Variants in SLC4A8 observed in about 807,000 individuals in gnomAD.
SLC4A8 encodes solute carrier family 4 member 8, also known as electroneutral sodium bicarbonate exchanger 1.
SLC4A8 carries 40 observed loss-of-function variants against 125.0 expected under a neutral mutation model. The ratio of observed to expected loss-of-function variants is 0.32; its 90% confidence interval spans 0.25 to 0.42. The LOEUF is 0.42. Among genes scored for constraint, SLC4A8 ranks in the 10% least tolerant of loss-of-function variants. The pLI, the probability that SLC4A8 is intolerant of heterozygous loss-of-function variation, is 1.00. For synonymous variants in SLC4A8, 456 were observed against 476.0 expected (o/e 0.96, Z 0.55); for missense variants, 863 against 1,355.1 (o/e 0.64, Z 5.70).
intron 23 of SLC4A8, among the ~76,000 whole-genome samples, chr12:51,505,235 A>G (rs528104542): frequency 1.3e-5 from 2 of 152,352 alleles, no homozygotes; most frequent in African/African-American, 4.8e-5. Flanking sequence ...TGCAGCAAAC[A>G]TCAAACTATT....
chr12:51,407,134 C>A (rs553526209), intron 1 of SLC4A8, among the ~76,000 whole-genome samples: 2 of 152,220 alleles, frequency 1.3e-5, no homozygotes, highest in East Asian at 3.9e-4. Context: ...TGCTGTGTCC[C>A]GGCATGGAGG....
Position 51,499,239 on chromosome 12 carries a change from A to G in SLC4A8, c.3081+2115A>G, listed in dbSNP as rs573791581. ...GTTTCTGACATTTTATGTGAAAAAC[A>G]TAGGGAATATAAAATGGAGCATACA... On this transcript the variant is annotated intron_variant, in intron 22 of 24. Transcript: ENST00000453097. 1.6e-4 allele frequency among the ~76,000 whole-genome samples: 24 copies of G among 152,318 alleles called. No homozygotes were observed. In the South Asian group the frequency reaches 4.4e-3, roughly 28 times the overall value.
chr12:51,497,311 G>A, intron 22 of SLC4A8, 187 bp downstream of exon 22: 2 of 645,704 alleles, frequency 3.1e-6, no homozygotes, highest in South Asian at 2.5e-5. Context: ...CTTAATTTTT[G>A]GGTTTGACAA....
At chr12:51,405,415 A>C (rs1276391325) in intron 1 of SLC4A8, among the ~76,000 whole-genome samples, 1 of 152,200 alleles carries the variant, frequency 6.6e-6, no homozygotes, top group African/African-American at 2.4e-5. Context: ...CATTAGGCTC[A>C]AGCCTGTTGA....
intron 11 of SLC4A8, among the ~76,000 whole-genome samples, chr12:51,463,973 ACT>A (rs1170705148): frequency 6.6e-6 from 1 of 151,562 alleles, no homozygotes; most frequent in East Asian, 1.9e-4. Flanking sequence ...TGATTTGAAC[ACT>A]CTTCCCTTTC....
intron 14 of SLC4A8, among the ~76,000 whole-genome samples, chr12:51,472,961 C>G (rs963515411): frequency 6.6e-6 from 1 of 151,972 alleles, no homozygotes; most frequent in African/African-American, 2.4e-5. Flanking sequence ...GCATATACCC[C>G]CTACCCCAGC....
chr12:51,402,816 T>A (rs561854868), intron 1 of SLC4A8, among the ~76,000 whole-genome samples: 2 of 152,368 alleles, frequency 1.3e-5, no homozygotes, highest in South Asian at 4.2e-4. Context: ...CATATGGTGA[T>A]TCCACTCTCC....
rs183559579 is a variant in SLC4A8 at position 51,509,983 on chromosome 12, G to A, written c.*2545G>A. ...TCCTGGCTCTGTGGGTGTGGTGCTC[G>A]GTTGCCTCCGTACAGTTGCAGTTCA... On this transcript the variant is annotated 3_prime_UTR_variant, in exon 25 of 25. Coordinates refer to ENST00000453097, the MANE Select transcript of SLC4A8 (RefSeq NM_001039960.3). 2 of 152,398 alleles carry A rather than the reference G, an allele frequency of 1.3e-5. No individual in the cohort carries two copies. Among genetic ancestry groups the A allele is most frequent in the East Asian group, 1.9e-4 (1 of 5,188 alleles). The allele number at this position is 152,398 out of a possible 1,614,324, so 9.4% of individuals were successfully genotyped here.
chr12:51,397,735 ATCT>A (rs1948292458), intron 1 of SLC4A8, among the ~76,000 whole-genome samples: 1 of 151,040 alleles, frequency 6.6e-6, no homozygotes, highest in Admixed American at 6.6e-5. Context: ...ATTTTTAAAA[ATCT>A]TTAACATATC....
At chr12:51,449,454 G>A (rs1009759147) in intron 2 of SLC4A8, among the ~76,000 whole-genome samples, 1 of 151,478 alleles carries the variant, frequency 6.6e-6, no homozygotes, top group African/African-American at 2.4e-5. Context: ...AAAAACTGAT[G>A]CAAAGTCACC....
At chr12:51,478,781 G>T (rs763172628) in intron 16 of SLC4A8, among the ~76,000 whole-genome samples, 1 of 152,238 alleles carries the variant, frequency 6.6e-6, no homozygotes, top group Non-Finnish European at 1.5e-5. Flanking sequence ...GGATTAGGAT[G>T]TGGTGAATTG....
Position 51,468,148 on chromosome 12 carries a change from G to A in SLC4A8, c.1350-1466G>A, listed in dbSNP as rs866333127. On this transcript the variant is annotated intron_variant, in intron 11 of 24. Transcript: ENST00000453097. ...GGCTCTTTTTGTTATTCACCTGACA[G>A]CCCTCACCCTGGTGCAGTGACTCCA... Among the ~76,000 whole-genome samples the A allele has an allele frequency of 2.0e-5, 3 of 152,258 alleles. No homozygotes were observed. In the South Asian group the frequency reaches 6.2e-4, roughly 32 times the overall value.
intron 19 of SLC4A8, among the ~76,000 whole-genome samples, chr12:51,492,828 T>C (rs1000830840): frequency 6.6e-6 from 1 of 151,892 alleles, no homozygotes; most frequent in African/African-American, 2.4e-5. Context: ...GTCCTAATGC[T>C]CTCCCTCCCC....
At chr12:51,478,364 G>A (rs1382485721) in intron 16 of SLC4A8, among the ~76,000 whole-genome samples, 5 of 151,936 alleles carry the variant, frequency 3.3e-5, no homozygotes, top group African/African-American at 1.2e-4. Flanking sequence ...ACTTGAACTC[G>A]GGAGGTGGAG....
Position 51,513,655 on chromosome 12 carries a change from A to AT in SLC4A8, c.*6218dup, listed in dbSNP as rs980831397. ...TTTTTAGTAGAGATGGGATTTCACCATGTTGGCCAGGATGGTCTTGATCTC... is the reference window on the plus strand; with the variant it reads ...TTTTTAGTAGAGATGGGATTTCACCATTGTTGGCCAGGATGGTCTTGATCTC... On this transcript the variant is annotated 3_prime_UTR_variant, in exon 25 of 25. Coordinates refer to ENST00000453097, the MANE Select transcript of SLC4A8 (RefSeq NM_001039960.3). 2 of 152,314 alleles carry AT rather than the reference A, an allele frequency of 1.3e-5. No individual in the cohort carries two copies. The highest frequency in any genetic ancestry group is 4.8e-5 in the African/African-American group (2 of 41,454). 9.4% of individuals were successfully genotyped at this position (152,314 alleles called of 1,614,324 possible).
intron 5 of SLC4A8, among the ~76,000 whole-genome samples, chr12:51,456,026 A>G (rs1044824845): frequency 6.6e-6 from 1 of 152,304 alleles, no homozygotes; most frequent in East Asian, 1.9e-4. Flanking sequence ...GATTTTGCAT[A>G]TTAGAAAGAT....
upstream of SLC4A8, among the ~76,000 whole-genome samples, chr12:51,423,101 T>G (rs1422315621): frequency 6.6e-6 from 1 of 152,222 alleles, no homozygotes; most frequent in African/African-American, 2.4e-5. Flanking sequence ...AAGTACTTTC[T>G]ATGTGCCTGG....
chr12:51,408,416 T>C (rs1318940083), intron 1 of SLC4A8, among the ~76,000 whole-genome samples: 1 of 152,002 alleles, frequency 6.6e-6, no homozygotes, highest in Non-Finnish European at 1.5e-5. Flanking sequence ...TTTTTTTTTT[T>C]AGTAGCGATG....
chr12:51,398,561 C>A (rs7958092), intron 1 of SLC4A8, among the ~76,000 whole-genome samples: 24,931 of 152,108 alleles, frequency 0.16, 2,353 homozygotes, highest in African/African-American at 0.25. Flanking sequence ...TATTTAATAT[C>A]TCTCTTTAAA....
Sources: gnomAD v4.1 joint callset for allele counts (sites outside exome capture counted in the v4.1 genomes callset) on GRCh38, gnomAD v4.1.1 for gene constraint, MANE v1.5 for transcripts, NCBI Gene and HGNC (gene_info 2026-07-23, HGNC 2026-07-21) for gene names.